ABLIM2: variants seen among roughly 807,000 people sequenced by gnomAD.
The protein encoded by ABLIM2 is actin binding LIM protein family member 2.
A neutral mutation model predicts 97.7 loss-of-function variants in ABLIM2; 53 were observed. That is an observed-to-expected ratio of 0.54 (90% confidence interval 0.44 to 0.68). The LOEUF (loss-of-function observed/expected upper bound fraction) is 0.68, where lower values mean the gene tolerates loss of function less well. Among genes scored for constraint, ABLIM2 ranks in the 30% least tolerant of loss-of-function variants. The pLI is 0.00. For missense variants in ABLIM2, 835 were observed against 867.2 expected (o/e 0.96, Z 0.47); for synonymous variants, 361 against 345.8 (o/e 1.04, Z -0.49).
intron 7 of ABLIM2, among the ~76,000 whole-genome samples, chr4:8,060,236 A>G (rs1278004233): frequency 1.3e-5 from 2 of 152,188 alleles, no homozygotes; most frequent in Admixed American, 1.3e-4. Flanking sequence ...AATTGTGAAA[A>G]TGAGAAGCTA....
intron 1 of ABLIM2, among the ~76,000 whole-genome samples, chr4:8,114,477 G>A (rs1418668800): frequency 1.3e-5 from 2 of 152,172 alleles, no homozygotes; most frequent in Admixed American, 1.3e-4. Flanking sequence ...TATAGGTCAT[G>A]CCTCGGTTTA....
intron 1 of ABLIM2, among the ~76,000 whole-genome samples, chr4:8,142,922 T>C (rs1186192972): frequency 6.6e-6 from 1 of 152,108 alleles, no homozygotes; most frequent in Non-Finnish European, 1.5e-5. Context: ...GCGAGGAAGA[T>C]AGCTCAGTGA....
chr4:8,034,972 G>T (rs1354792922), intron 10 of ABLIM2, among the ~76,000 whole-genome samples: 2 of 124,568 alleles, frequency 1.6e-5, no homozygotes, highest in East Asian at 5.0e-4. Context: ...GTGGGTACGG[G>T]TGGGTGGTGG....
chr4:7,988,884 C>G (rs1483779279), intron 17 of ABLIM2, among the ~76,000 whole-genome samples: 1 of 152,070 alleles, frequency 6.6e-6, no homozygotes, highest in Non-Finnish European at 1.5e-5. Flanking sequence ...TTTGGAAATA[C>G]CAAACTTTTA....
chr4:8,024,332 T>C (rs367932172), intron 12 of ABLIM2, among the ~76,000 whole-genome samples: 1 of 151,792 alleles, frequency 6.6e-6, no homozygotes, highest in Non-Finnish European at 1.5e-5. Flanking sequence ...AAAGTGCCCA[T>C]GGCTGTGGCC....
rs575209264 is a variant in ABLIM2, at chr4:8,148,556, C to T, written c.10+10124G>A. Among the ~76,000 whole-genome samples, 1 of 152,262 alleles carries T rather than the reference C, an allele frequency of 6.6e-6. No individual in the cohort carries two copies. Among genetic ancestry groups the T allele is most frequent in the African/African-American group, 2.4e-5 (1 of 41,556 alleles). The stretch of plus-strand genomic sequence containing the variant: ...CCTGTGAAGTGGGAATACTGGTAGT[C>T]CCGAGCAAGGAGCTCTGATGTAAGG... On this transcript the variant is annotated intron_variant, in intron 1 of 20. Transcript: ENST00000447017. This position sits in a 1 kb window ranked among gnomAD's most constrained non-coding sequence, Gnocchi z 6.7.
rs191947314 is a variant in ABLIM2 at position 8,150,900 on chromosome 4, G to T, written c.10+7780C>A. 2.5e-3 allele frequency among the ~76,000 whole-genome samples: 377 copies of T among 152,236 alleles called. No individual in the cohort carries two copies. Among genetic ancestry groups the T allele is most frequent in the African/African-American group, 8.6e-3 (357 of 41,536 alleles). Reference sequence around the variant, plus strand: ...GGGTGTGGCTGATGATGCCAAAGCGGCTCCCACGGGGCACGACGTCAGGTT... The same window carrying T: ...GGGTGTGGCTGATGATGCCAAAGCGTCTCCCACGGGGCACGACGTCAGGTT... On this transcript the variant is annotated intron_variant, in intron 1 of 20. Coordinates refer to ENST00000447017, the MANE Select transcript of ABLIM2 (RefSeq NM_001130083.2). The surrounding 1 kb of genome is among the most constrained non-coding windows in gnomAD (Gnocchi z 6.3).
chr4:8,007,424 A>C (rs759558544), intron 16 of ABLIM2: 123 of 985,436 alleles, frequency 1.2e-4, no homozygotes, highest in Non-Finnish European at 1.5e-4. Context: ...AGCCCAGCTG[A>C]GACCCGCAGA....
rs936162175 is a variant in ABLIM2 at position 8,130,789 on chromosome 4, C to T, written c.11-24152G>A. ...TACAACAAGGACAGGAATACAAAAT[C>T]GGTATCACTGGGCTGATGTCAAGGC... On this transcript the variant is annotated intron_variant, in intron 1 of 20. Transcript: ENST00000447017. The surrounding 1 kb of genome is among the most constrained non-coding windows in gnomAD (Gnocchi z 4.2). Among the ~76,000 whole-genome samples, 23 of 152,178 alleles carry T rather than the reference C, an allele frequency of 1.5e-4. No individual in the cohort carries two copies. The highest frequency in any genetic ancestry group is 2.1e-4 in the South Asian group (1 of 4,830).
At position 8,054,582 on chromosome 4, in the gene ABLIM2, G is replaced by T. The variant is rs149880784; in HGVS notation, c.764-336C>A. 6.6e-6 allele frequency among the ~76,000 whole-genome samples: 1 copy of T among 152,212 alleles called. No individual in the cohort carries two copies. The highest frequency in any genetic ancestry group is 1.9e-4 in the East Asian group (1 of 5,198). On this transcript the variant is annotated intron_variant, in intron 7 of 20. Coordinates refer to ENST00000447017, the MANE Select transcript of ABLIM2 (RefSeq NM_001130083.2). The surrounding 1 kb of genome is among the most constrained non-coding windows in gnomAD (Gnocchi z 4.9). ...AGCTGGAAGATTCTTCTCTGAGGAGGGGGTATTTGAAGGGGTTTCAAGTCC... is the reference window on the plus strand; with the variant it reads ...AGCTGGAAGATTCTTCTCTGAGGAGTGGGTATTTGAAGGGGTTTCAAGTCC...
intron 20 of ABLIM2, among the ~76,000 whole-genome samples, chr4:7,981,435 T>C (rs1045947400): frequency 3.3e-5 from 5 of 152,308 alleles, no homozygotes; most frequent in Non-Finnish European, 7.4e-5. Flanking sequence ...ATGTCTTCTA[T>C]CTTCCGGAAA....
At chr4:8,134,819 A>G (rs1849952321) in intron 1 of ABLIM2, among the ~76,000 whole-genome samples, 1 of 152,240 alleles carries the variant, frequency 6.6e-6, no homozygotes, top group African/African-American at 2.4e-5. Flanking sequence ...GCTTGGCAGA[A>G]GGCATTTCTA....
chr4:8,034,335 A>G (rs1782839585), intron 10 of ABLIM2, among the ~76,000 whole-genome samples: 1 of 145,750 alleles, frequency 6.9e-6, no homozygotes, highest in South Asian at 2.2e-4. Flanking sequence ...GTGGATGCAC[A>G]TGGGTGCAGG....
At chr4:8,126,726 C>T (rs1157281832) in intron 1 of ABLIM2, among the ~76,000 whole-genome samples, 1 of 152,032 alleles carries the variant, frequency 6.6e-6, no homozygotes, top group Non-Finnish European at 1.5e-5. Context: ...CTGACCCCTT[C>T]CTGCCAGATG....
chr4:8,139,976 A>G (rs993779543), intron 1 of ABLIM2, among the ~76,000 whole-genome samples: 2 of 152,040 alleles, frequency 1.3e-5, no homozygotes, highest in African/African-American at 4.8e-5. Flanking sequence ...ACTGGAAGCC[A>G]TTATCCTTAG....
intron 9 of ABLIM2, among the ~76,000 whole-genome samples, chr4:8,037,016 T>G (rs1340070515): frequency 3.3e-5 from 5 of 152,192 alleles, no homozygotes; most frequent in African/African-American, 1.2e-4. Context: ...ATCCTCCCAT[T>G]TGCTTAAAAC....
rs1258587491 is a variant in ABLIM2 at position 8,067,851 on chromosome 4, T to C, written c.676-6797A>G. ...TCCCCGTGTATAAGATGGAGAGGAC[T>C]GTCCCTCCCTCTCAGGCTGGGGTAG... is the stretch of plus-strand genomic sequence containing the variant. On this transcript the variant is annotated intron_variant, in intron 6 of 20. Coordinates refer to ENST00000447017, the MANE Select transcript of ABLIM2 (RefSeq NM_001130083.2). The surrounding 1 kb of genome is among the most constrained non-coding windows in gnomAD (Gnocchi z 5.4). 1.3e-5 allele frequency: 2 copies of C among 152,246 alleles called. No homozygotes were observed. The highest frequency in any genetic ancestry group is 1.3e-4 in the Admixed American group (2 of 15,284). 9.4% of individuals were successfully genotyped at this position (152,246 alleles called of 1,614,324 possible). A position where few individuals can be genotyped will look rare whatever the true frequency, so the allele number is the denominator to read the frequency against.
chr4:8,090,715 A>AT (rs776127696), intron 3 of ABLIM2, among the ~76,000 whole-genome samples: 93 of 144,552 alleles, frequency 6.4e-4, no homozygotes, highest in East Asian at 1.2e-3. Context: ...CTTTTTTTTT[A>AT]TTTTTATTTT....
At chr4:8,048,767 C>A (rs1794187319) in intron 8 of ABLIM2, among the ~76,000 whole-genome samples, 1 of 152,208 alleles carries the variant, frequency 6.6e-6, no homozygotes, top group African/African-American at 2.4e-5. Flanking sequence ...AAAGGAGACC[C>A]ACCTTGGAAA....
Sources: allele counts gnomAD v4.1 joint callset (sites outside exome capture counted in the v4.1 genomes callset), GRCh38; gene constraint gnomAD v4.1.1; non-coding constraint Gnocchi (gnomAD v3.1); transcripts MANE v1.5; gene names NCBI Gene and HGNC (gene_info 2026-07-23, HGNC 2026-07-21).